Variants in RBFOX1 observed in about 807,000 individuals in gnomAD.
The protein encoded by RBFOX1 is RNA binding protein fox-1 homolog 1.
RBFOX1 carries 8 observed loss-of-function variants against 57.7 expected under a neutral mutation model. The ratio of observed to expected loss-of-function variants is 0.14; its 90% CI spans 0.08 to 0.25. The LOEUF is 0.25. Among genes scored for constraint, RBFOX1 ranks in the 10% least tolerant of loss-of-function variants. RBFOX1 has a pLI of 1.00. For missense variants in RBFOX1, 611 were observed against 548.5 expected, an observed-to-expected ratio of 1.11 and a Z score of -1.14; for synonymous variants, 326 against 222.4, an observed-to-expected ratio of 1.47 and a Z score of -4.15.
intron 1 of RBFOX1, among the ~76,000 whole-genome samples, chr16:6,214,743 G>A (rs1476325637): frequency 6.6e-5 from 8 of 120,648 alleles, no homozygotes; most frequent in Non-Finnish European, 1.4e-4. Flanking sequence ...AGGAGAGGGA[G>A]AAGGAGAAGG....
intron 3 of RBFOX1, among the ~76,000 whole-genome samples, chr16:7,015,198 A>C (rs546446475): frequency 3.8e-4 from 58 of 152,264 alleles, no homozygotes; most frequent in Non-Finnish European, 5.1e-4. Flanking sequence ...ACAGCAGCAG[A>C]TGCATCCAGT....
chr16:5,275,476 C>T (rs965403702), intron 1 of RBFOX1, among the ~76,000 whole-genome samples: 1 of 152,004 alleles, frequency 6.6e-6, no homozygotes, highest in Non-Finnish European at 1.5e-5. Flanking sequence ...ATATACCTAA[C>T]CAAGGAGGTG....
At chr16:7,118,052 G>C (rs2066298521) in intron 4 of RBFOX1, among the ~76,000 whole-genome samples, 1 of 152,144 alleles carries the variant, frequency 6.6e-6, no homozygotes. Flanking sequence ...ATGCAGGTGT[G>C]TTTTTTTATA....
chr16:7,290,334 G>A (rs1028994515), intron 4 of RBFOX1, among the ~76,000 whole-genome samples: 1 of 152,078 alleles, frequency 6.6e-6, no homozygotes, highest in Non-Finnish European at 1.5e-5. Context: ...TTAATTTGTT[G>A]CCTGCTATTG....
chr16:7,161,854 A>C (rs2078395016), intron 4 of RBFOX1, among the ~76,000 whole-genome samples: 1 of 152,244 alleles, frequency 6.6e-6, no homozygotes, highest in Non-Finnish European at 1.5e-5. Context: ...GAACACGTTC[A>C]ATTGATTTCC....
At chr16:7,246,838 A>T (rs1026626384) in intron 4 of RBFOX1, among the ~76,000 whole-genome samples, 1 of 152,092 alleles carries the variant, frequency 6.6e-6, no homozygotes. Context: ...GAGCTACAGC[A>T]TAAAGGCTTC....
At chr16:5,332,444 G>A (rs192320277) in intron 1 of RBFOX1, among the ~76,000 whole-genome samples, 25 of 151,600 alleles carry the variant, frequency 1.6e-4, no homozygotes, top group African/African-American at 5.8e-4. Flanking sequence ...TTGTATTTTT[G>A]GTAGAGATGG....
chr16:6,995,276 A>G (rs1245622672), intron 3 of RBFOX1, among the ~76,000 whole-genome samples: 1 of 138,016 alleles, frequency 7.2e-6, no homozygotes, highest in East Asian at 2.3e-4. Flanking sequence ...AATGACTATG[A>G]TCTGAAAGTA....
chr16:6,962,445 T>A (rs1337737551), intron 3 of RBFOX1, among the ~76,000 whole-genome samples: 1 of 152,190 alleles, frequency 6.6e-6, no homozygotes, highest in African/African-American at 2.4e-5. Flanking sequence ...CTGTTACATA[T>A]ATGACATTTC....
At chr16:5,918,281 G>A (rs974991585) in intron 4 of RBFOX1, among the ~76,000 whole-genome samples, 1 of 152,088 alleles carries the variant, frequency 6.6e-6, no homozygotes, top group East Asian at 1.9e-4. Flanking sequence ...CACCATGCCT[G>A]GCTAATTTTT....
chr16:6,894,533 G>C (rs1240325796), intron 3 of RBFOX1, among the ~76,000 whole-genome samples: 1 of 152,054 alleles, frequency 6.6e-6, no homozygotes, highest in Admixed American at 6.6e-5. Flanking sequence ...CCAACTAGAG[G>C]TACTCCCAAA....
chr16:5,256,791 C>A (rs765899506), intron 1 of RBFOX1, among the ~76,000 whole-genome samples: 35 of 151,858 alleles, frequency 2.3e-4, no homozygotes, highest in Non-Finnish European at 4.3e-4. Context: ...AAAATTAGCC[C>A]GGTGTGGTGG....
intron 4 of RBFOX1, among the ~76,000 whole-genome samples, chr16:7,491,925 C>T (rs773655753): frequency 1.8e-4 from 27 of 152,266 alleles, no homozygotes; most frequent in South Asian, 1.0e-3. Flanking sequence ...TGTACCACTC[C>T]GTGTGTTCCT....
intron 3 of RBFOX1, among the ~76,000 whole-genome samples, chr16:6,956,680 C>T (rs1219199056): frequency 6.6e-6 from 1 of 152,178 alleles, no homozygotes; most frequent in Non-Finnish European, 1.5e-5. Context: ...TCTATTGCAT[C>T]ATATCAAAGG....
intron 4 of RBFOX1, among the ~76,000 whole-genome samples, chr16:7,409,902 T>C (rs754095422): frequency 6.6e-6 from 1 of 152,126 alleles, no homozygotes; most frequent in Non-Finnish European, 1.5e-5. Flanking sequence ...GGCAATGTCT[T>C]AAATGAGGGG....
intron 1 of RBFOX1, among the ~76,000 whole-genome samples, chr16:5,245,903 C>G (rs117769883): frequency 6.6e-6 from 1 of 152,314 alleles, no homozygotes; most frequent in East Asian, 1.9e-4. Flanking sequence ...GAAATTACCA[C>G]TTATAGAAAT....
chr16:6,332,110 C>T (rs765062982), intron 2 of RBFOX1, among the ~76,000 whole-genome samples: 15 of 152,044 alleles, frequency 9.9e-5, no homozygotes, highest in African/African-American at 3.1e-4. Context: ...AAATGGAAGA[C>T]GAATGAAGAA....
intron 2 of RBFOX1, among the ~76,000 whole-genome samples, chr16:6,423,334 C>G (rs938362560): frequency 1.3e-5 from 2 of 152,230 alleles, no homozygotes; most frequent in African/African-American, 4.8e-5. Flanking sequence ...CGTGGTGGCT[C>G]AGGCCTGTAA....
intron 5 of RBFOX1, among the ~76,000 whole-genome samples, chr16:7,526,130 G>C (rs1408789668): frequency 2.0e-5 from 3 of 152,156 alleles, no homozygotes; most frequent in Non-Finnish European, 4.4e-5. Context: ...ACATGCGAGG[G>C]ATCTAGATTG....
Sources: gnomAD v4.1 joint callset for allele counts (sites outside exome capture counted in the v4.1 genomes callset) on GRCh38, gnomAD v4.1.1 for gene constraint, MANE v1.5 for transcripts, NCBI Gene and HGNC (gene_info 2026-07-23, HGNC 2026-07-21) for gene names.